The following ZBTB8A variants were observed in gnomAD, a reference collection of about 807,000 sequenced individuals.
The protein encoded by ZBTB8A is zinc finger and BTB domain-containing protein 8A.
Under a neutral mutation model 37.8 loss-of-function variants are expected in ZBTB8A, and 19 were observed. The observed-to-expected ratio is 0.50, with a 90% CI of 0.35 to 0.74. ZBTB8A has a LOEUF of 0.74. Ranked by LOEUF, ZBTB8A falls within the 30% of genes least tolerant of loss-of-function variation. The probability of loss-of-function intolerance (pLI) is 0.01; values close to 1 mark genes in which losing one functional copy is unlikely to be tolerated. For synonymous variants in ZBTB8A, 181 were observed against 185.2 expected (o/e 0.98, Z 0.19); for missense variants, 394 against 537.8 (o/e 0.73, Z 2.65).
At chr1:32,577,505 C>T (rs1644371808) in intron 2 of ZBTB8A, among the ~76,000 whole-genome samples, 1 of 149,524 alleles carries the variant, frequency 6.7e-6, no homozygotes, top group Non-Finnish European at 1.5e-5. Flanking sequence ...TTCATGTCTT[C>T]AAATTCATGG....
chr1:32,549,213 G>T (rs1020618483), intron 1 of ZBTB8A, among the ~76,000 whole-genome samples: 3 of 151,752 alleles, frequency 2.0e-5, no homozygotes, highest in Non-Finnish European at 4.4e-5. Context: ...AAAACACCTC[G>T]CTGGGTGCTG....
At chr1:32,580,368 G>A (rs971021673) in intron 2 of ZBTB8A, among the ~76,000 whole-genome samples, 11 of 151,972 alleles carry the variant, frequency 7.2e-5, no homozygotes, top group Non-Finnish European at 1.5e-4. Flanking sequence ...GACAAGCCTG[G>A]CCAACATGGT....
chr1:32,575,518 C>A (rs1644353434), intron 2 of ZBTB8A, among the ~76,000 whole-genome samples: 1 of 151,888 alleles, frequency 6.6e-6, no homozygotes, highest in African/African-American at 2.4e-5. Context: ...AGCCACCGCG[C>A]CCGGCCCATC....
chr1:32,540,256 A>G (rs964515038), intron 1 of ZBTB8A, among the ~76,000 whole-genome samples: 1 of 151,944 alleles, frequency 6.6e-6, no homozygotes, highest in Non-Finnish European at 1.5e-5. Flanking sequence ...CTTCCCCTTC[A>G]GATGCGCTTA....
intron 2 of ZBTB8A, among the ~76,000 whole-genome samples, chr1:32,558,524 G>C (rs916991723): frequency 4.6e-5 from 7 of 152,004 alleles, no homozygotes; most frequent in African/African-American, 1.5e-4. Flanking sequence ...AAGATATCCT[G>C]AGAGTAGACC....
intron 1 of ZBTB8A, among the ~76,000 whole-genome samples, chr1:32,548,613 C>T (rs571651823): frequency 3.4e-4 from 52 of 152,214 alleles, no homozygotes; most frequent in African/African-American, 1.1e-3. Flanking sequence ...GGATTACAGG[C>T]GTGAGCCTCC....
intron 2 of ZBTB8A, among the ~76,000 whole-genome samples, chr1:32,573,496 G>A (rs1279664513): frequency 1.3e-5 from 2 of 150,402 alleles, no homozygotes; most frequent in Non-Finnish European, 3.0e-5. Flanking sequence ...GTGGTGGCAT[G>A]ATCATGGCTC....
chr1:32,583,598 C>A (rs1024587644), intron 2 of ZBTB8A, among the ~76,000 whole-genome samples: 6 of 151,978 alleles, frequency 3.9e-5, no homozygotes, highest in African/African-American at 7.3e-5. Context: ...TATGATTAAG[C>A]CCTAATCTGC....
In ZBTB8A at chr1:32,601,822, A is replaced by G; in HGVS notation, c.*1403A>G. On this transcript the variant is annotated 3_prime_UTR_variant, in exon 5 of 5. Transcript: ENST00000373510. ...GAGGAATTGAATCATTTTCAACAAC[A>G]TACAATATCTTGATCTAGAGATTTT... 1 of 396,738 alleles carries G rather than the reference A, an allele frequency of 2.5e-6. No individual in the cohort carries two copies. The highest frequency in any genetic ancestry group is 4.4e-6 in the Non-Finnish European group (1 of 225,378). 24.6% of individuals were successfully genotyped at this position (396,738 alleles called of 1,614,324 possible). A position where few individuals can be genotyped will look rare whatever the true frequency, so the allele number is the denominator to read the frequency against.
At chr1:32,592,781 T>A (rs1644500031) in intron 2 of ZBTB8A, 150 bp from the exon 3 acceptor site, 1 of 653,984 alleles carries the variant, frequency 1.5e-6, no homozygotes, top group African/African-American at 1.8e-5. Context: ...GTGCTGGGAT[T>A]ACAGGAGTGA....
At chr1:32,599,869 T>C (rs1370610210) in intron 4 of ZBTB8A, among the ~76,000 whole-genome samples, 2 of 152,174 alleles carry the variant, frequency 1.3e-5, no homozygotes, top group African/African-American at 2.4e-5. Context: ...ATATTAATAA[T>C]AAAAAACATG....
chr1:32,541,743 G>A (rs12131078), intron 1 of ZBTB8A, among the ~76,000 whole-genome samples: 18,166 of 152,088 alleles, frequency 0.12, 1,218 homozygotes, highest in African/African-American at 0.2. Flanking sequence ...TGGAAGGGCA[G>A]AAGAGGCTAA....
At chr1:32,591,370 C>G (rs953023104) in intron 2 of ZBTB8A, among the ~76,000 whole-genome samples, 3 of 151,070 alleles carry the variant, frequency 2.0e-5, no homozygotes, top group African/African-American at 7.4e-5. Context: ...TCCATCACAC[C>G]TGGCTAATTA....
intron 2 of ZBTB8A, among the ~76,000 whole-genome samples, chr1:32,578,695 A>T (rs997757249): frequency 6.6e-6 from 1 of 151,462 alleles, no homozygotes; most frequent in Non-Finnish European, 1.5e-5. Context: ...AAAATATTTT[A>T]TTTATTTATT....
chr1:32,581,155 A>G (rs1416785688), intron 2 of ZBTB8A, among the ~76,000 whole-genome samples: 2 of 622 alleles, frequency 3.2e-3, no homozygotes, highest in Non-Finnish European at 0.01. Flanking sequence ...TATATATTAA[A>G]TATATTATAA....
chr1:32,595,063 C>T lies in ZBTB8A; in HGVS notation c.833C>T (p.Pro278Leu). The change falls in exon 4 of 5, where the codon CCT (proline) becomes CTT (leucine). Residue 278 changes from proline to leucine, a missense_variant. Pro to Leu is a moderately conservative substitution (Grantham distance 98). Transcript: ENST00000373510. The stretch of plus-strand genomic sequence containing the variant: ...AAGCGTCTCTTGACAGATGATCTGC[C>T]TCGGATGCGATTCAAGTGCCCGTAC... ...VTSKSFPDDL[P>L]RMRFKCPYCT... The T allele has an allele frequency of 6.2e-7, 1 of 1,613,562 alleles. No individual in the cohort carries two copies. Among genetic ancestry groups the T allele is most frequent in the Non-Finnish European group, 8.5e-7 (1 of 1,179,842 alleles).
intron 2 of ZBTB8A, among the ~76,000 whole-genome samples, chr1:32,568,893 A>G (rs555675282): frequency 1.3e-5 from 2 of 152,260 alleles, no homozygotes; most frequent in South Asian, 2.1e-4. Flanking sequence ...TTTATTTCCA[A>G]TTTGGGGCTA....
intron 1 of ZBTB8A, among the ~76,000 whole-genome samples, chr1:32,542,927 G>C (rs758398475): frequency 6.6e-6 from 1 of 152,108 alleles, no homozygotes; most frequent in East Asian, 1.9e-4. Flanking sequence ...ATGCATTACC[G>C]ATTTCCATGA....
At chr1:32,596,671 T>A (rs901776404) in intron 4 of ZBTB8A, among the ~76,000 whole-genome samples, 12 of 152,190 alleles carry the variant, frequency 7.9e-5, no homozygotes, top group African/African-American at 2.2e-4. Flanking sequence ...CTACCATATT[T>A]AAAATTCTTC....
Sources: allele counts gnomAD v4.1 joint callset (sites outside exome capture counted in the v4.1 genomes callset), GRCh38; gene constraint gnomAD v4.1.1; transcripts MANE v1.5; gene names NCBI Gene and HGNC (gene_info 2026-07-23, HGNC 2026-07-21).